Variants in FMNL2 observed in about 807,000 individuals in gnomAD.
FMNL2 encodes formin like 2.
Under a neutral mutation model 130.2 loss-of-function variants are expected in FMNL2, and 51 were observed. The observed-to-expected ratio is 0.39, with a 90% CI of 0.31 to 0.49. The LOEUF (loss-of-function observed/expected upper bound fraction) is 0.49, where lower values mean the gene tolerates loss of function less well. Ranked by LOEUF, FMNL2 falls within the 20% of genes least tolerant of loss-of-function variation. The pLI is 0.85. For synonymous variants in FMNL2, 465 were observed against 467.1 expected (o/e 1.00, Z 0.06); for missense variants, 977 against 1,316.2 (o/e 0.74, Z 3.99).
At chr2:152,378,934 CT>C (rs1684311125) in intron 1 of FMNL2, among the ~76,000 whole-genome samples, 1 of 131,360 alleles carries the variant, frequency 7.6e-6, no homozygotes. Flanking sequence ...GTAGGAGAAC[CT>C]ACTCCAGATA....
intron 1 of FMNL2, among the ~76,000 whole-genome samples, chr2:152,451,138 T>C (rs1232957700): frequency 6.6e-6 from 1 of 152,138 alleles, no homozygotes; most frequent in Non-Finnish European, 1.5e-5. Flanking sequence ...CTTTGAACTC[T>C]TGGACTTCAG....
intron 4 of FMNL2, among the ~76,000 whole-genome samples, chr2:152,552,619 A>G (rs750827093): frequency 6.6e-6 from 1 of 152,240 alleles, no homozygotes; most frequent in Non-Finnish European, 1.5e-5. Flanking sequence ...TTTGAGTCAA[A>G]TTGAAATAAG....
intron 2 of FMNL2, among the ~76,000 whole-genome samples, chr2:152,524,951 C>T (rs1484686395): frequency 6.6e-6 from 1 of 152,148 alleles, no homozygotes; most frequent in African/African-American, 2.4e-5. Flanking sequence ...TTAACACATG[C>T]TTGTCCAAGA....
chr2:152,456,883 A>AGCC (rs138846832), intron 1 of FMNL2, among the ~76,000 whole-genome samples: 12,857 of 150,864 alleles, frequency 0.085, 819 homozygotes, highest in Admixed American at 0.21. Context: ...GGTTGCAGTG[A>AGCC]GCCAAGATTG....
chr2:152,586,222 G>C (rs948525072), intron 9 of FMNL2, among the ~76,000 whole-genome samples: 2 of 152,302 alleles, frequency 1.3e-5, no homozygotes, highest in East Asian at 3.9e-4. Context: ...CAGAAAGATG[G>C]AGCCTTGTTG....
intron 1 of FMNL2, among the ~76,000 whole-genome samples, chr2:152,380,551 C>A (rs926590044): frequency 6.6e-6 from 1 of 152,330 alleles, no homozygotes; most frequent in East Asian, 1.9e-4. Context: ...TCCATACACT[C>A]TGGGTTCTCC....
Position 152,637,687 on chromosome 2 carries a change from G to A in FMNL2, c.2946+13G>A, listed in dbSNP as rs755300916. The stretch of plus-strand genomic sequence containing the variant: ...GAAAGCATATAAGGTATATGTTAAG[G>A]CCCTCCTTGCCCTTATTTCTCAAGC... On this transcript the variant is annotated intron_variant, in intron 23 of 25. Coordinates refer to ENST00000288670, the MANE Select transcript of FMNL2 (RefSeq NM_052905.4). 1 of 1,606,582 alleles carries A rather than the reference G, an allele frequency of 6.2e-7. No individual in the cohort carries two copies. Among genetic ancestry groups the A allele is most frequent in the Non-Finnish European group, 8.5e-7 (1 of 1,174,044 alleles).
chr2:152,544,607 T>G (rs1694515133), intron 3 of FMNL2, among the ~76,000 whole-genome samples: 1 of 152,166 alleles, frequency 6.6e-6, no homozygotes, highest in Non-Finnish European at 1.5e-5. Context: ...TGAGTCCTAA[T>G]GCTCACCCTG....
intron 1 of FMNL2, among the ~76,000 whole-genome samples, chr2:152,468,237 T>G (rs905413405): frequency 9.9e-5 from 15 of 151,924 alleles, no homozygotes; most frequent in African/African-American, 3.4e-4. Flanking sequence ...ATGAGATTTC[T>G]CTCTTGTTTC....
Position 152,643,323 on chromosome 2 carries a change from G to A in FMNL2, c.3169+2409G>A. On this transcript the variant is annotated intron_variant, in intron 25 of 25. Coordinates refer to ENST00000288670, the MANE Select transcript of FMNL2 (RefSeq NM_052905.4). ...CCATCTTCCCCACCCCCATCCCCAG[G>A]TATGATTAACAATGCACTAACCATG... The A allele has an allele frequency of 6.0e-6, 9 of 1,496,388 alleles. No homozygotes were observed. In the South Asian group the frequency reaches 9.8e-5, roughly 16 times the overall value. 92.7% of individuals were successfully genotyped at this position (1,496,388 alleles called of 1,614,324 possible).
At chr2:152,560,384 C>T (rs1052026924) in intron 5 of FMNL2, among the ~76,000 whole-genome samples, 1 of 152,068 alleles carries the variant, frequency 6.6e-6, no homozygotes, top group Non-Finnish European at 1.5e-5. Context: ...GAGGAGATTC[C>T]AAAATCAAAG....
intron 1 of FMNL2, among the ~76,000 whole-genome samples, chr2:152,444,580 C>T (rs542852430): frequency 3.2e-4 from 48 of 152,100 alleles, no homozygotes; most frequent in Non-Finnish European, 5.9e-4. Flanking sequence ...TACTTAGCTC[C>T]CCTTTATCCT....
Position 152,364,259 on chromosome 2 carries a change from G to GTTT in FMNL2, c.117+28540_117+28541insTTT, listed in dbSNP as rs1163993397. ...GTTTCACATCCGTTAGGAGGTTTGT[G>GTTT]TGTTTTTTTTTTTTTTTTTTTTTTT... On this transcript the variant is annotated intron_variant, in intron 1 of 25. Transcript: ENST00000288670. Among the ~76,000 whole-genome samples, 173 of 100,714 alleles carry GTTT rather than the reference G, an allele frequency of 1.7e-3. 15 individuals are homozygous for GTTT. In the East Asian group the frequency reaches 0.035, roughly 20 times the overall value. 66.1% of individuals were successfully genotyped at this position (100,714 alleles called of 152,430 possible).
chr2:152,624,971 A>G (rs1273753930), intron 15 of FMNL2, among the ~76,000 whole-genome samples: 4 of 152,204 alleles, frequency 2.6e-5, no homozygotes, highest in Non-Finnish European at 5.9e-5. Flanking sequence ...CTAGTCAGCC[A>G]CTGTCTGCAG....
intron 1 of FMNL2, among the ~76,000 whole-genome samples, chr2:152,369,327 T>G (rs1000736701): frequency 1.3e-5 from 2 of 152,266 alleles, no homozygotes; most frequent in Non-Finnish European, 2.9e-5. Context: ...TGTAATTTAA[T>G]GAGCCCAAAA....
rs1286595440 is a variant in FMNL2, at chr2:152,643,563, A to ATGTC, written c.3169+2651_3169+2654dup. Reference sequence around the variant, plus strand: ...TTAAAAGGTTGCTACAGGTTTTTTGATGTCTTATGTCCCCCTCTGTGTGTC... The same window carrying ATGTC: ...TTAAAAGGTTGCTACAGGTTTTTTGATGTCTGTCTTATGTCCCCCTCTGTGTGTC... On this transcript the variant is annotated intron_variant, in intron 25 of 25. Coordinates refer to ENST00000288670, the MANE Select transcript of FMNL2 (RefSeq NM_052905.4). 5 of 1,534,804 alleles carry ATGTC rather than the reference A, an allele frequency of 3.3e-6. No individual in the cohort carries two copies. The Admixed American group carries it at 9.8e-5, about 30-fold the overall frequency.
chr2:152,399,438 A>G (rs1435558405), intron 1 of FMNL2, among the ~76,000 whole-genome samples: 2 of 152,170 alleles, frequency 1.3e-5, no homozygotes, highest in African/African-American at 2.4e-5. Context: ...GGAGCAGCTT[A>G]TTAAGTATTT....
intron 1 of FMNL2, among the ~76,000 whole-genome samples, chr2:152,442,529 G>A (rs976425491): frequency 6.6e-6 from 1 of 151,928 alleles, no homozygotes; most frequent in South Asian, 2.1e-4. Context: ...GATTACAGGC[G>A]TGAGCCACCA....
At chr2:152,460,701 C>T (rs1689188563) in intron 1 of FMNL2, among the ~76,000 whole-genome samples, 1 of 152,156 alleles carries the variant, frequency 6.6e-6, no homozygotes, top group Admixed American at 6.5e-5. Context: ...TCAGCAGCAG[C>T]ATTAGATTCT....
Sources: gnomAD v4.1 joint callset for allele counts (sites outside exome capture counted in the v4.1 genomes callset) on GRCh38, gnomAD v4.1.1 for gene constraint, MANE v1.5 for transcripts, NCBI Gene and HGNC (gene_info 2026-07-23, HGNC 2026-07-21) for gene names.